The following CTNND2 variants were observed in gnomAD, a reference collection of about 807,000 sequenced individuals.
CTNND2 encodes catenin delta-2.
Under a neutral mutation model 144.4 loss-of-function variants are expected in CTNND2, and 22 were observed. The observed-to-expected ratio is 0.15, with a 90% CI of 0.11 to 0.22. The LOEUF is 0.22. Among genes scored for constraint, CTNND2 ranks in the 10% least tolerant of loss-of-function variants. The pLI is 1.00. For missense variants in CTNND2, 1,353 were observed against 1,618.8 expected (o/e 0.84, Z 2.82); for synonymous variants, 751 against 695.6 (o/e 1.08, Z -1.25).
chr5:11,334,420 C>T (rs1488129048), intron 9 of CTNND2, among the ~76,000 whole-genome samples: 1 of 152,134 alleles, frequency 6.6e-6, no homozygotes, highest in East Asian at 1.9e-4. Flanking sequence ...GTCAGTGTTC[C>T]AACCACCTGT....
chr5:11,663,458 A>G (rs1783391258), intron 2 of CTNND2, among the ~76,000 whole-genome samples: 1 of 152,200 alleles, frequency 6.6e-6, no homozygotes, highest in South Asian at 2.1e-4. Flanking sequence ...ATATTCCTGG[A>G]AGAAAAAGAT....
intron 2 of CTNND2, among the ~76,000 whole-genome samples, chr5:11,581,750 C>A (rs781056607): frequency 2.6e-5 from 4 of 152,104 alleles, no homozygotes; most frequent in Middle Eastern, 3.2e-3. Context: ...TCATAAATTA[C>A]CTATTTCTCA....
chr5:11,553,905 G>C (rs1775992355), intron 3 of CTNND2, among the ~76,000 whole-genome samples: 1 of 151,978 alleles, frequency 6.6e-6, no homozygotes, highest in African/African-American at 2.4e-5. Context: ...TTTGAAGTAA[G>C]ATGACATTTA....
chr5:11,400,507 T>C (rs909311493), intron 5 of CTNND2, among the ~76,000 whole-genome samples: 4 of 152,176 alleles, frequency 2.6e-5, no homozygotes, highest in Admixed American at 2.0e-4. Flanking sequence ...TTTCCCAAAA[T>C]GAATCACCCC....
intron 3 of CTNND2, among the ~76,000 whole-genome samples, chr5:11,445,492 C>T (rs947823339): frequency 2.0e-5 from 3 of 152,126 alleles, no homozygotes; most frequent in East Asian, 1.9e-4. Flanking sequence ...GTGAGAGTAT[C>T]GGGAGTCTCC....
At chr5:11,061,533 G>T (rs1016294495) in intron 16 of CTNND2, among the ~76,000 whole-genome samples, 1 of 152,118 alleles carries the variant, frequency 6.6e-6, no homozygotes, top group Admixed American at 6.5e-5. Flanking sequence ...CAGGGGTTTT[G>T]CTCTTGCTGC....
intron 11 of CTNND2, among the ~76,000 whole-genome samples, chr5:11,179,994 G>T (rs555927476): frequency 1.3e-5 from 2 of 152,144 alleles, no homozygotes; most frequent in Non-Finnish European, 2.9e-5. Context: ...TTGAGGGATC[G>T]CTGAGGCTAG....
At chr5:11,570,637 T>C (rs988885983) in intron 2 of CTNND2, among the ~76,000 whole-genome samples, 1 of 151,938 alleles carries the variant, frequency 6.6e-6, no homozygotes, top group Non-Finnish European at 1.5e-5. Flanking sequence ...GGTTTTCTTT[T>C]CTTTTTTCTT....
chr5:11,161,871 G>C lies in CTNND2; in HGVS notation c.1976-2112C>G, dbSNP rs529768763. 1.5e-4 allele frequency among the ~76,000 whole-genome samples: 23 copies of C among 152,226 alleles called. 1 individual carries two copies. The South Asian group carries it at 4.6e-3, about 30-fold the overall frequency. ...ATATCCTTTAAAAACTAAATAGCAG[G>C]CAGGGTGCAATGGCTCACACCTGTA... On this transcript the variant is annotated intron_variant, in intron 11 of 21. Coordinates refer to ENST00000304623, the MANE Select transcript of CTNND2 (RefSeq NM_001332.4).
rs76452947 is a variant in CTNND2, at chr5:11,447,932, G to C, written c.288-35863C>G. On this transcript the variant is annotated intron_variant, in intron 3 of 21. Coordinates refer to ENST00000304623, the MANE Select transcript of CTNND2 (RefSeq NM_001332.4). Reference sequence around the variant, plus strand: ...ATTAACAATGTAAGCTGCTTAGAGAGGGTTTGATATGCATTCATATAACAT... The same window carrying C: ...ATTAACAATGTAAGCTGCTTAGAGACGGTTTGATATGCATTCATATAACAT... Among the ~76,000 whole-genome samples the C allele has an allele frequency of 3.9e-5, 6 of 152,290 alleles. No individual in the cohort carries two copies. In the East Asian group the frequency reaches 1.2e-3, roughly 29 times the overall value.
intron 3 of CTNND2, among the ~76,000 whole-genome samples, chr5:11,415,866 C>A (rs1761897031): frequency 6.6e-6 from 1 of 152,042 alleles, no homozygotes; most frequent in African/African-American, 2.4e-5. Context: ...GAAGAATAAG[C>A]ATGAGGTCTT....
chr5:11,383,273 T>C (rs961610546), intron 7 of CTNND2, among the ~76,000 whole-genome samples: 1 of 152,024 alleles, frequency 6.6e-6, no homozygotes, highest in Non-Finnish European at 1.5e-5. Flanking sequence ...CTGAGAAGGG[T>C]GTCATGGAGT....
rs1320306388 is a variant in CTNND2 at position 11,904,067 on chromosome 5, G to C, written c.-214C>G. On this transcript the variant is annotated 5_prime_UTR_variant, in exon 1 of 22. Coordinates refer to ENST00000304623, the MANE Select transcript of CTNND2 (RefSeq NM_001332.4). This position sits in a 1 kb window ranked among gnomAD's most constrained non-coding sequence, Gnocchi z 4.2. ...GCGAGTGCGCAGCGCCCGGCCCGGC[G>C]GCCCCTCCGAGCTCGGCGAGCGCAG... is the stretch of plus-strand genomic sequence containing the variant. 1.0e-5 allele frequency: 3 copies of C among 286,874 alleles called. No homozygotes were observed. Among genetic ancestry groups the C allele is most frequent in the South Asian group, 3.0e-4 (2 of 6,650 alleles). 17.8% of individuals were successfully genotyped at this position (286,874 alleles called of 1,614,324 possible).
chr5:11,383,698 T>C (rs1245168117), intron 7 of CTNND2, among the ~76,000 whole-genome samples: 1 of 152,192 alleles, frequency 6.6e-6, no homozygotes, highest in East Asian at 1.9e-4. Flanking sequence ...CATCTATTTG[T>C]GTCAAGAAAG....
chr5:11,318,172 G>A (rs1197112806), intron 9 of CTNND2, among the ~76,000 whole-genome samples: 1 of 152,004 alleles, frequency 6.6e-6, no homozygotes, highest in Non-Finnish European at 1.5e-5. Context: ...TCCAGTACAC[G>A]GAACCACCAC....
chr5:11,879,352 T>TATATATATATATACATAC (rs1553988803), intron 1 of CTNND2, among the ~76,000 whole-genome samples: 22 of 137,204 alleles, frequency 1.6e-4, no homozygotes, highest in African/African-American at 5.4e-4. Context: ...TATATATATA[T>TATATATATATATACATAC]ATATACATAT....
intron 1 of CTNND2, among the ~76,000 whole-genome samples, chr5:11,831,862 T>C (rs994324369): frequency 6.6e-6 from 1 of 152,088 alleles, no homozygotes; most frequent in Non-Finnish European, 1.5e-5. Context: ...AAGTTAATCA[T>C]AGATCTAATG....
intron 11 of CTNND2, among the ~76,000 whole-genome samples, chr5:11,196,523 AT>A (rs1736870932): frequency 6.6e-6 from 1 of 152,208 alleles, no homozygotes; most frequent in Non-Finnish European, 1.5e-5. Context: ...AGTAAGGGGT[AT>A]AGTTCTTACA....
intron 2 of CTNND2, among the ~76,000 whole-genome samples, chr5:11,674,444 T>C (rs946960718): frequency 1.3e-5 from 2 of 152,136 alleles, no homozygotes; most frequent in Admixed American, 1.3e-4. Context: ...CCCCCACACA[T>C]GTATAGCCTC....
Sources: gnomAD v4.1 joint callset for allele counts (sites outside exome capture counted in the v4.1 genomes callset) on GRCh38, gnomAD v4.1.1 for gene constraint, Gnocchi (gnomAD v3.1) non-coding constraint, MANE v1.5 for transcripts, NCBI Gene and HGNC (gene_info 2026-07-23, HGNC 2026-07-21) for gene names.